SGCZ: variants seen among roughly 807,000 people sequenced by gnomAD.
SGCZ encodes sarcoglycan zeta.
SGCZ carries 40 observed loss-of-function variants against 41.3 expected under a neutral mutation model. The ratio of observed to expected loss-of-function variants is 0.97; its 90% confidence interval spans 0.75 to 1.26. SGCZ has a LOEUF of 1.26. SGCZ is among the 50% of genes most tolerant of loss of function. The pLI, the probability that SGCZ is intolerant of heterozygous loss-of-function variation, is 0.00. For synonymous variants in SGCZ, 206 were observed against 137.5 expected, an observed-to-expected ratio of 1.50 and a Z score of -3.49; for missense variants, 552 against 369.8, an observed-to-expected ratio of 1.49 and a Z score of -4.04.
chr8:14,624,968 T>C (rs1375087491), intron 1 of SGCZ, among the ~76,000 whole-genome samples: 1 of 152,182 alleles, frequency 6.6e-6, no homozygotes, highest in Non-Finnish European at 1.5e-5. Context: ...TCCTTAGATA[T>C]GGTCATTCAC....
intron 2 of SGCZ, among the ~76,000 whole-genome samples, chr8:14,355,471 AC>A (rs1048945593): frequency 6.6e-6 from 1 of 152,118 alleles, no homozygotes; most frequent in African/African-American, 2.4e-5. Flanking sequence ...CTACATGAAG[AC>A]TTTTTGAATC....
At chr8:14,391,544 G>A (rs1466728465) in intron 2 of SGCZ, among the ~76,000 whole-genome samples, 1 of 152,062 alleles carries the variant, frequency 6.6e-6, no homozygotes, top group East Asian at 1.9e-4. Flanking sequence ...GGCAGAAGTA[G>A]GAAGTGTGGC....
At chr8:15,148,406 G>A (rs1162516649) in intron 1 of SGCZ, among the ~76,000 whole-genome samples, 1 of 152,140 alleles carries the variant, frequency 6.6e-6, no homozygotes, top group Non-Finnish European at 1.5e-5. Context: ...TTGCTGCCTT[G>A]ACATAAAAGT....
chr8:14,417,090 T>C (rs979035922), intron 2 of SGCZ, among the ~76,000 whole-genome samples: 1 of 151,834 alleles, frequency 6.6e-6, no homozygotes, highest in Non-Finnish European at 1.5e-5. Flanking sequence ...TGAAGGGACG[T>C]TATTCTATGC....
At chr8:14,532,783 T>C (rs17119705) in intron 2 of SGCZ, among the ~76,000 whole-genome samples, 52,813 of 150,238 alleles carry the variant, frequency 0.35, 9,969 homozygotes, top group East Asian at 0.43. Context: ...GCTATTTCAC[T>C]TAAATTGACT....
chr8:14,580,004 T>C (rs1020482875), intron 1 of SGCZ, among the ~76,000 whole-genome samples: 11 of 152,182 alleles, frequency 7.2e-5, no homozygotes, highest in African/African-American at 2.7e-4. Flanking sequence ...TAACCACGAG[T>C]GGCTCTGAAG....
intron 1 of SGCZ, among the ~76,000 whole-genome samples, chr8:14,939,296 A>G (rs1054278425): frequency 2.0e-5 from 3 of 152,122 alleles, no homozygotes; most frequent in African/African-American, 7.2e-5. Context: ...CTCCATTTAT[A>G]CTGTAAGGAT....
At chr8:14,412,771 G>C (rs1799395484) in intron 2 of SGCZ, among the ~76,000 whole-genome samples, 2 of 151,636 alleles carry the variant, frequency 1.3e-5, no homozygotes, top group African/African-American at 4.9e-5. Context: ...CACGTGACAA[G>C]GTATCAAAAT....
intron 1 of SGCZ, among the ~76,000 whole-genome samples, chr8:14,808,435 C>T (rs1801624527): frequency 1.3e-5 from 2 of 152,280 alleles, no homozygotes; most frequent in Admixed American, 1.3e-4. Flanking sequence ...CGTGAACAGA[C>T]ACTTCTCAAA....
At chr8:15,058,305 C>T (rs1346579726) in intron 1 of SGCZ, among the ~76,000 whole-genome samples, 1 of 152,082 alleles carries the variant, frequency 6.6e-6, no homozygotes, top group Non-Finnish European at 1.5e-5. Context: ...AAGAGAAGGT[C>T]CAATTTGGAA....
intron 2 of SGCZ, among the ~76,000 whole-genome samples, chr8:14,374,384 G>A (rs146235102): frequency 2.0e-5 from 3 of 152,132 alleles, no homozygotes; most frequent in Non-Finnish European, 4.4e-5. Flanking sequence ...TAGGTAGATA[G>A]TTTTTTAGGA....
At chr8:14,535,880 A>C (rs961132546) in intron 2 of SGCZ, among the ~76,000 whole-genome samples, 1 of 151,884 alleles carries the variant, frequency 6.6e-6, no homozygotes, top group African/African-American at 2.4e-5. Context: ...CGGCATGTAA[A>C]ATATTAACAT....
intron 5 of SGCZ, among the ~76,000 whole-genome samples, chr8:14,124,616 A>G (rs1194566545): frequency 6.6e-6 from 1 of 152,206 alleles, no homozygotes; most frequent in African/African-American, 2.4e-5. Flanking sequence ...TCTTGCTCTG[A>G]CATTGTTAGG....
intron 2 of SGCZ, among the ~76,000 whole-genome samples, chr8:14,493,316 C>T (rs1335415990): frequency 7.3e-6 from 1 of 136,366 alleles, no homozygotes; most frequent in African/African-American, 2.8e-5. Flanking sequence ...GTCTTCTGGA[C>T]TTTGGTCTTC....
chr8:14,991,457 T>A (rs1224975939), intron 1 of SGCZ, among the ~76,000 whole-genome samples: 2 of 152,160 alleles, frequency 1.3e-5, no homozygotes, highest in African/African-American at 4.8e-5. Flanking sequence ...AGACACTGCA[T>A]ATACCTAAAT....
At chr8:15,110,924 C>T (rs1173727835) in intron 1 of SGCZ, among the ~76,000 whole-genome samples, 6 of 151,976 alleles carry the variant, frequency 3.9e-5, no homozygotes, top group Admixed American at 2.6e-4. Flanking sequence ...GCTGAGGTCG[C>T]GCCATTGCAC....
chr8:14,090,780 CA>C (rs1218321779), intron 7 of SGCZ, 143 bp from the exon 8 acceptor site: 2 of 708,692 alleles, frequency 2.8e-6, no homozygotes, highest in African/African-American at 1.8e-5. Context: ...GTTGAACAAA[CA>C]AATTACATTC....
At chr8:14,479,469 C>T (rs1019139922) in intron 2 of SGCZ, among the ~76,000 whole-genome samples, 30 of 152,234 alleles carry the variant, frequency 2.0e-4, no homozygotes, top group Non-Finnish European at 2.1e-4. Flanking sequence ...AGGTTAACCT[C>T]CTTTGGCCAT....
intron 1 of SGCZ, among the ~76,000 whole-genome samples, chr8:15,195,994 T>G (rs1800716964): frequency 1.2e-4 from 17 of 143,302 alleles, no homozygotes; most frequent in Non-Finnish European, 2.0e-4. Flanking sequence ...GCCTCCCGGG[T>G]TCACGCCATT....
Sources: allele counts gnomAD v4.1 joint callset (sites outside exome capture counted in the v4.1 genomes callset), GRCh38; gene constraint gnomAD v4.1.1; transcripts MANE v1.5; gene names NCBI Gene and HGNC (gene_info 2026-07-23, HGNC 2026-07-21).